Variants in ADAM2 observed in about 807,000 individuals in gnomAD.
ADAM2 encodes ADAM metallopeptidase domain 2, also known as disintegrin and metalloproteinase domain-containing protein 2.
In ADAM2, 101 loss-of-function variants were observed where a neutral mutation model predicts 99.3. The observed-to-expected ratio is 1.02, with a 90% CI of 0.87 to 1.20. The LOEUF (loss-of-function observed/expected upper bound fraction) is 1.20. ADAM2 is among the 50% of genes most tolerant of loss of function. ADAM2 has a pLI of 0.00. For missense variants in ADAM2, 948 were observed against 878.7 expected, an observed-to-expected ratio of 1.08 and a Z score of -1.00; for synonymous variants, 323 against 287.6, an observed-to-expected ratio of 1.12 and a Z score of -1.25.
chr8:39,771,519 C>T (rs558420457), intron 11 of ADAM2, among the ~76,000 whole-genome samples: 3 of 152,046 alleles, frequency 2.0e-5, no homozygotes, highest in South Asian at 2.1e-4. Context: ...ATTATAATCA[C>T]GATGGCCTAT....
intron 11 of ADAM2, among the ~76,000 whole-genome samples, chr8:39,773,939 AT>A (rs1802885295): frequency 6.6e-6 from 1 of 151,952 alleles, no homozygotes. Context: ...CTTTGCCAAT[AT>A]TAGGGGAAAA....
At chr8:39,775,924 G>A (rs1802969878) in intron 11 of ADAM2, among the ~76,000 whole-genome samples, 1 of 151,954 alleles carries the variant, frequency 6.6e-6, no homozygotes, top group Non-Finnish European at 1.5e-5. Context: ...CTATTTCCTA[G>A]ATGCATGCTC....
chr8:39,837,758 G>A (rs956260036), intron 1 of ADAM2, among the ~76,000 whole-genome samples: 115 of 152,182 alleles, frequency 7.6e-4, no homozygotes, highest in African/African-American at 2.6e-3. Flanking sequence ...GTAACCTTGG[G>A]TCAATAGGTT....
intron 15 of ADAM2, among the ~76,000 whole-genome samples, chr8:39,756,409 G>T (rs1042076056): frequency 1.3e-5 from 2 of 152,106 alleles, no homozygotes; most frequent in Non-Finnish European, 2.9e-5. Context: ...ATGTCCTACA[G>T]ATTAATGTGA....
chr8:39,749,378 G>C lies in ADAM2; in HGVS notation c.1948C>G (p.Leu650Val). 1 of 1,613,404 alleles carries C rather than the reference G, an allele frequency of 6.2e-7. No individual in the cohort carries two copies. The highest frequency in any genetic ancestry group is 8.5e-7 in the Non-Finnish European group (1 of 1,179,506). Residue 650 changes from leucine (L) to valine (V), a missense_variant, in exon 18 of 21, where the codon CTA becomes GTA. Coordinates refer to ENST00000265708, the MANE Select transcript of ADAM2 (RefSeq NM_001464.5). ...CTGTCAATACTCCCACCAGGCCATA[G>C]ATCTGATTGAACTGAGCAATCTGGA... ...LPPDCSVQSD[L>V]WPGGSIDSGN...
Position 39,825,040 on chromosome 8 carries a change from C to A in ADAM2, c.189-143G>T, listed in dbSNP as rs1805344603. The A allele has an allele frequency of 5.0e-6, 3 of 595,972 alleles. No homozygotes were observed. In the South Asian group the frequency reaches 6.3e-5, roughly 13 times the overall value. 36.9% of individuals were successfully genotyped at this position (595,972 alleles called of 1,614,324 possible). A position where few individuals can be genotyped will look rare whatever the true frequency, so the allele number is the denominator to read the frequency against. The stretch of plus-strand genomic sequence containing the variant: ...ATTTTCTAAATATATGGATTTTGTT[C>A]TAAATTTTACTCAAACATCTTACAC... On this transcript the variant is annotated intron_variant, in intron 3 of 20. Coordinates refer to ENST00000265708, the MANE Select transcript of ADAM2 (RefSeq NM_001464.5).
chr8:39,821,028 G>C lies in ADAM2; in HGVS notation c.487C>G (p.Leu163Val). 1 of 1,601,156 alleles carries C rather than the reference G, an allele frequency of 6.2e-7. No individual in the cohort carries two copies. Residue 163 changes from leucine to valine, a missense_variant, in exon 6 of 21, where the codon CTG becomes GTG. By Grantham distance (32) the Leu-to-Val change is conservative. Transcript: ENST00000265708. ...YNEKDIESRD[L>V]SFKLQSVEPQ... Reference sequence around the variant, plus strand: ...TCTACGCTTTGTAATTTAAAGGACAGATCTCTTGATTCAATATCCTTCTCA... The same window carrying C: ...TCTACGCTTTGTAATTTAAAGGACACATCTCTTGATTCAATATCCTTCTCA...
intron 15 of ADAM2, among the ~76,000 whole-genome samples, chr8:39,756,147 T>G (rs1045998308): frequency 6.6e-6 from 1 of 152,166 alleles, no homozygotes; most frequent in African/African-American, 2.4e-5. Context: ...TTGCCACTTT[T>G]TTAATGGCAA....
chr8:39,781,711 G>A (rs910742258), intron 10 of ADAM2, among the ~76,000 whole-genome samples: 6 of 152,102 alleles, frequency 3.9e-5, no homozygotes, highest in African/African-American at 1.2e-4. Context: ...AAACAGTTTT[G>A]TTGAAATTGC....
In ADAM2 at chr8:39,756,924, C is replaced by G. The variant is rs559868453; in HGVS notation, c.1614-1013G>C. ...TGTATGAACACAGAGGAGAAACAAA[C>G]ATTGTCCAAGCCACAGTTACTGGAC... On this transcript the variant is annotated intron_variant, in intron 15 of 20. Coordinates refer to ENST00000265708, the MANE Select transcript of ADAM2 (RefSeq NM_001464.5). Among the ~76,000 whole-genome samples, 12 of 152,316 alleles carry G rather than the reference C, an allele frequency of 7.9e-5. No individual in the cohort carries two copies. The East Asian group carries it at 2.3e-3, about 29-fold the overall frequency.
In ADAM2 at chr8:39,821,681, A is replaced by G. The variant is rs754027946; in HGVS notation, c.268-19T>C. 15 of 1,499,034 alleles carry G rather than the reference A, an allele frequency of 1.0e-5. No individual in the cohort carries two copies. The highest frequency in any genetic ancestry group is 1.4e-5 in the African/African-American group (1 of 72,362). 92.9% of individuals were successfully genotyped at this position (1,499,034 alleles called of 1,614,324 possible). ...AGAAATTCTGAAAGATAAAATACAC[A>G]TATCTCCATTAGAATGGTTTGTGTT... is the stretch of plus-strand genomic sequence containing the variant. On this transcript the variant is annotated intron_variant, in intron 4 of 20. Coordinates refer to ENST00000265708, the MANE Select transcript of ADAM2 (RefSeq NM_001464.5).
intron 6 of ADAM2, among the ~76,000 whole-genome samples, chr8:39,810,316 C>T (rs1056956250): frequency 6.6e-6 from 1 of 152,138 alleles, no homozygotes; most frequent in African/African-American, 2.4e-5. Flanking sequence ...GAGACTTAGA[C>T]TCCCACACAA....
chr8:39,770,647 A>T (rs1802745532), intron 11 of ADAM2, among the ~76,000 whole-genome samples: 1 of 152,220 alleles, frequency 6.6e-6, no homozygotes, highest in Non-Finnish European at 1.5e-5. Flanking sequence ...TGTTTTATTT[A>T]TCTCATAAAG....
intron 16 of ADAM2, among the ~76,000 whole-genome samples, chr8:39,755,226 G>GA (rs1465229603): frequency 6.6e-6 from 1 of 152,118 alleles, no homozygotes; most frequent in Non-Finnish European, 1.5e-5. Context: ...TAATTTCAAT[G>GA]AAAAAGTTAC....
chr8:39,818,693 G>C (rs1805051930), intron 6 of ADAM2, among the ~76,000 whole-genome samples: 1 of 151,926 alleles, frequency 6.6e-6, no homozygotes, highest in Non-Finnish European at 1.5e-5. Context: ...GTTCAATAGA[G>C]AACTAATAAA....
chr8:39,774,892 C>T (rs1235920512), intron 11 of ADAM2, among the ~76,000 whole-genome samples: 1 of 151,924 alleles, frequency 6.6e-6, no homozygotes. Flanking sequence ...TGTCATCTGT[C>T]TTTGTTTAGA....
intron 7 of ADAM2, among the ~76,000 whole-genome samples, chr8:39,804,376 G>A (rs1258725099): frequency 6.6e-6 from 1 of 152,054 alleles, no homozygotes. Context: ...GTTTTCAATG[G>A]AAGAACTGAG....
At chr8:39,751,212 C>T (rs971351412) in intron 16 of ADAM2, among the ~76,000 whole-genome samples, 3 of 152,238 alleles carry the variant, frequency 2.0e-5, no homozygotes, top group Middle Eastern at 3.4e-3. Context: ...ATAAAAAGTA[C>T]TAGCTCTGGA....
intron 10 of ADAM2, among the ~76,000 whole-genome samples, chr8:39,784,600 G>T (rs139355942): frequency 6.6e-6 from 1 of 152,022 alleles, no homozygotes; most frequent in African/African-American, 2.4e-5. Context: ...CTGGAAGCCC[G>T]CCCTGTAGAG....
Sources: gnomAD v4.1 joint callset for allele counts (sites outside exome capture counted in the v4.1 genomes callset) on GRCh38, gnomAD v4.1.1 for gene constraint, MANE v1.5 for transcripts, NCBI Gene and HGNC (gene_info 2026-07-23, HGNC 2026-07-21) for gene names.